Variants in LAMA3 observed in about 807,000 individuals in gnomAD.
LAMA3 encodes laminin subunit alpha-3.
A neutral mutation model predicts 402.0 loss-of-function variants in LAMA3; 281 were observed. The observed-to-expected ratio is 0.70, with a 90% CI of 0.63 to 0.77. The LOEUF (loss-of-function observed/expected upper bound fraction) is 0.77. Ranked by LOEUF, LAMA3 falls within the 30% of genes least tolerant of loss-of-function variation. LAMA3 has a pLI of 0.00. For synonymous variants in LAMA3, 1,431 were observed against 1,558.4 expected, an observed-to-expected ratio of 0.92 and a Z score of 1.93; for missense variants, 3,840 against 4,215.5, an observed-to-expected ratio of 0.91 and a Z score of 2.47.
Position 23,861,686 on chromosome 18 carries a change from G to A in LAMA3, c.4463G>A (p.Arg1488Lys). 6.2e-7 allele frequency: 1 copy of A among 1,614,202 alleles called. No individual in the cohort carries two copies. The highest frequency in any genetic ancestry group is 1.1e-5 in the South Asian group (1 of 91,086). Residue 1488 changes from arginine to lysine, a missense_variant, in exon 35 of 75, where the codon AGA (arginine) becomes AAA (lysine). Physicochemically the swap from Arg to Lys is conservative, Grantham distance 26 (BLOSUM62 2). Transcript: ENST00000313654. ...GGCTGGCACCTGGAGACAGCAGACA[G>A]AGTGGACATCCCTGTCTCTTTCAAC... ...MLGWHLETAD[R>K]VDIPVSFNPG...
At chr18:23,730,032 C>A (rs2061364949) in intron 2 of LAMA3, among the ~76,000 whole-genome samples, 1 of 152,186 alleles carries the variant, frequency 6.6e-6, no homozygotes, top group Admixed American at 6.5e-5. Flanking sequence ...TTTGGACAAT[C>A]CCTTTAGTCC....
chr18:23,868,590 C>T (rs757838162), intron 37 of LAMA3, among the ~76,000 whole-genome samples: 1 of 152,112 alleles, frequency 6.6e-6, no homozygotes, highest in Non-Finnish European at 1.5e-5. Flanking sequence ...CCAGCCTGGG[C>T]AACAGAGTGA....
chr18:23,882,275 T>C (rs2064923895), intron 40 of LAMA3, among the ~76,000 whole-genome samples: 1 of 152,178 alleles, frequency 6.6e-6, no homozygotes, highest in Non-Finnish European at 1.5e-5. Context: ...AATTGCATGA[T>C]ATGTAAATTA....
intron 41 of LAMA3, 93 bp from the exon 42 acceptor site, chr18:23,889,918 A>G (rs2080594101): frequency 3.2e-6 from 3 of 933,300 alleles, no homozygotes; most frequent in Middle Eastern, 2.1e-4. Context: ...TTGGGTTACA[A>G]TATCCCAAAC....
At chr18:23,719,389 A>T (rs2061169362) in intron 2 of LAMA3, among the ~76,000 whole-genome samples, 2 of 152,214 alleles carry the variant, frequency 1.3e-5, no homozygotes, top group African/African-American at 4.8e-5. Context: ...AACCCCCTGC[A>T]GGTGTTAACA....
chr18:23,792,192 T>A (rs1450088427), intron 12 of LAMA3, among the ~76,000 whole-genome samples: 2 of 152,222 alleles, frequency 1.3e-5, no homozygotes, highest in Non-Finnish European at 2.9e-5. Context: ...GGACCTCTGA[T>A]GTGTCTTAGT....
chr18:23,916,118 C>T (rs1185824967), intron 59 of LAMA3, among the ~76,000 whole-genome samples: 1 of 151,706 alleles, frequency 6.6e-6, no homozygotes, highest in East Asian at 1.9e-4. Context: ...ACTCTTCCAC[C>T]TCAATCTTTT....
chr18:23,888,385 T>TA (rs1248873204), intron 41 of LAMA3, among the ~76,000 whole-genome samples: 1 of 152,216 alleles, frequency 6.6e-6, no homozygotes. Flanking sequence ...TTTATTACAT[T>TA]ATCTCATATT....
intron 70 of LAMA3, among the ~76,000 whole-genome samples, chr18:23,947,729 A>T (rs539837263): frequency 6.6e-6 from 1 of 152,048 alleles, no homozygotes; most frequent in East Asian, 1.9e-4. Flanking sequence ...TACACATTAT[A>T]TATATAATAT....
At chr18:23,915,863 G>A (rs1175756925) in intron 59 of LAMA3, among the ~76,000 whole-genome samples, 1 of 151,550 alleles carries the variant, frequency 6.6e-6, no homozygotes, top group Non-Finnish European at 1.5e-5. Context: ...AAAATCAGCC[G>A]AGTGTGATGG....
intron 2 of LAMA3, among the ~76,000 whole-genome samples, chr18:23,724,703 G>A (rs534903004): frequency 2.0e-5 from 3 of 152,282 alleles, no homozygotes; most frequent in Admixed American, 6.5e-5. Context: ...GCACACTTGG[G>A]CTTTAAATCA....
intron 12 of LAMA3, among the ~76,000 whole-genome samples, chr18:23,805,003 A>G (rs1473608026): frequency 6.6e-6 from 1 of 152,140 alleles, no homozygotes; most frequent in African/African-American, 2.4e-5. Context: ...TTTCTTCATA[A>G]ATTACCTAGC....
Position 23,763,455 on chromosome 18 carries a change from G to A in LAMA3, c.1114G>A (p.Glu372Lys). 1 of 1,614,032 alleles carries A rather than the reference G, an allele frequency of 6.2e-7. No individual in the cohort carries two copies. Among genetic ancestry groups the A allele is most frequent in the Non-Finnish European group, 8.5e-7 (1 of 1,179,970 alleles). Residue 372 changes from glutamate (E) to lysine (K), a missense_variant, in exon 8 of 75, where the codon GAG (glutamate) becomes AAG (lysine). Physicochemically the swap from Glu to Lys is moderately conservative, Grantham distance 56. Around this residue, in one of 3 missense-constraint regions of LAMA3, gnomAD observed 2,109 missense variants for 2,376.0 expected, o/e 0.89. Transcript: ENST00000313654. The part of the protein sequence containing the change: ...ASNCYYDPDV[E>K]RQQASLNTQG... ...CAACTGTTACTATGATCCAGATGTT[G>A]AGCGGCAGCAGGCAAGCTTGAATAC...
intron 8 of LAMA3, among the ~76,000 whole-genome samples, chr18:23,768,441 A>G (rs902395706): frequency 3.9e-5 from 6 of 152,264 alleles, no homozygotes; most frequent in African/African-American, 1.4e-4. Context: ...ACAATGAGAT[A>G]TCATCTCACA....
At chr18:23,816,063 T>A (rs183514829) in intron 17 of LAMA3, among the ~76,000 whole-genome samples, 1 of 152,200 alleles carries the variant, frequency 6.6e-6, no homozygotes, top group South Asian at 2.1e-4. Flanking sequence ...TGTCTTTGCA[T>A]TGGACAACAG....
intron 32 of LAMA3, among the ~76,000 whole-genome samples, chr18:23,848,136 C>A (rs1158548078): frequency 6.6e-6 from 1 of 152,176 alleles, no homozygotes; most frequent in Non-Finnish European, 1.5e-5. Context: ...TGAAATCCCA[C>A]CTAGCTGATT....
At chr18:23,785,893 C>A (rs566204946) in intron 12 of LAMA3, among the ~76,000 whole-genome samples, 4 of 152,104 alleles carry the variant, frequency 2.6e-5, no homozygotes, top group African/African-American at 9.7e-5. Flanking sequence ...AATAATACAA[C>A]ACTTTAAGAA....
chr18:23,841,884 T>C (rs1013699307), intron 27 of LAMA3, among the ~76,000 whole-genome samples: 2 of 152,124 alleles, frequency 1.3e-5, no homozygotes, highest in South Asian at 2.1e-4. Context: ...GTTGCCCCAC[T>C]GCCCTCCAGC....
intron 60 of LAMA3, among the ~76,000 whole-genome samples, chr18:23,920,315 C>T (rs1170644556): frequency 1.3e-5 from 2 of 152,256 alleles, no homozygotes; most frequent in Admixed American, 6.5e-5. Flanking sequence ...AAGGGAATCA[C>T]GTGTGCAGAC....
Sources: allele counts gnomAD v4.1 joint callset (sites outside exome capture counted in the v4.1 genomes callset), GRCh38; gene constraint gnomAD v4.1.1; regional missense constraint gnomAD v4.1.1; transcripts MANE v1.5; gene names NCBI Gene and HGNC (gene_info 2026-07-23, HGNC 2026-07-21).